MAF: variants seen among roughly 807,000 people sequenced by gnomAD.
The protein encoded by MAF is transcription factor Maf.
In MAF, 10 loss-of-function variants were observed where a neutral mutation model predicts 22.0. The ratio of observed to expected loss-of-function variants is 0.45; its 90% CI spans 0.28 to 0.77. The LOEUF is 0.77. Ranked by LOEUF, MAF falls within the 30% of genes least tolerant of loss-of-function variation. The probability of loss-of-function intolerance (pLI) is 0.12; values close to 1 mark genes in which losing one functional copy is unlikely to be tolerated. For missense variants in MAF, 544 were observed against 548.4 expected (o/e 0.99, Z 0.08); for synonymous variants, 337 against 255.8 (o/e 1.32, Z -3.03).
chr16:79,492,314 C>T, the MAF span, among the ~76,000 whole-genome samples: 3 of 152,044 alleles, frequency 2.0e-5, no homozygotes, highest in Non-Finnish European at 2.9e-5. Context: ...GAGCACCAAC[C>T]AAAATTCAAC....
At chr16:79,597,616 C>G in intron 1 of MAF, 1 of 1,022,264 alleles carries the variant, frequency 9.8e-7, no homozygotes, top group Non-Finnish European at 1.2e-6. Flanking sequence ...AGTTTTGGAG[C>G]AGATGCAAAA....
the MAF span, among the ~76,000 whole-genome samples, chr16:79,442,540 T>A: frequency 2.0e-5 from 3 of 152,126 alleles, no homozygotes; most frequent in South Asian, 6.2e-4. Flanking sequence ...CCTGGCTGAA[T>A]ATTCCTTTTT....
At chr16:79,516,571 T>C in the MAF span, among the ~76,000 whole-genome samples, 1 of 152,240 alleles carries the variant, frequency 6.6e-6, no homozygotes, top group Admixed American at 6.5e-5. Context: ...ATGATTTTAG[T>C]TGACATTTGT....
At chr16:79,576,422 A>G in the MAF span, among the ~76,000 whole-genome samples, 1 of 152,106 alleles carries the variant, frequency 6.6e-6, no homozygotes, top group Non-Finnish European at 1.5e-5. Context: ...GCATGTTAGT[A>G]TACAAAGCCT....
the MAF span, among the ~76,000 whole-genome samples, chr16:79,577,138 A>G: frequency 0.031 from 4,680 of 152,184 alleles, 230 homozygotes; most frequent in African/African-American, 0.11. Context: ...CCACAGAATC[A>G]TTTGTTTTCA....
At chr16:79,302,171 G>T in the MAF span, among the ~76,000 whole-genome samples, 1 of 152,220 alleles carries the variant, frequency 6.6e-6, no homozygotes, top group African/African-American at 2.4e-5. Flanking sequence ...GCCACGAGAT[G>T]TGTTGGAAAG....
At chr16:79,527,351 G>T in the MAF span, among the ~76,000 whole-genome samples, 9 of 152,188 alleles carry the variant, frequency 5.9e-5, no homozygotes, top group African/African-American at 2.2e-4. Context: ...CAAAAAGAAA[G>T]CAATCAACTC....
the MAF span, among the ~76,000 whole-genome samples, chr16:79,507,704 C>A: frequency 6.6e-6 from 1 of 152,182 alleles, no homozygotes; most frequent in Admixed American, 6.5e-5. Flanking sequence ...GTATTACAGG[C>A]GTGAGCCACC....
chr16:79,203,894 A>G, the MAF span: 1 of 152,218 alleles, frequency 6.6e-6, no homozygotes. Flanking sequence ...CAGAGGTTAA[A>G]GAAGTAGAGT....
chr16:79,488,500 A>G, the MAF span, among the ~76,000 whole-genome samples: 1 of 152,144 alleles, frequency 6.6e-6, no homozygotes, highest in Non-Finnish European at 1.5e-5. Flanking sequence ...GTAACATTCC[A>G]CCAACACCCA....
chr16:79,218,718 G>C, the MAF span, among the ~76,000 whole-genome samples: 2 of 152,150 alleles, frequency 1.3e-5, no homozygotes, highest in Non-Finnish European at 2.9e-5. Flanking sequence ...TTTCCCACAG[G>C]ACAGAGTTCA....
chr16:79,302,462 A>G, the MAF span, among the ~76,000 whole-genome samples: 19 of 152,212 alleles, frequency 1.2e-4, no homozygotes, highest in Admixed American at 9.2e-4. Context: ...ATCAACCCAC[A>G]TGGCTGATGC....
the MAF span, among the ~76,000 whole-genome samples, chr16:79,318,001 G>C: frequency 6.6e-6 from 1 of 152,158 alleles, no homozygotes; most frequent in African/African-American, 2.4e-5. Flanking sequence ...GAACATAACA[G>C]TGTCATGCCT....
the MAF span, among the ~76,000 whole-genome samples, chr16:79,299,347 G>GAAAAAAAAAAAAAAAAAAAAAAAAAA: frequency 1.6e-4 from 14 of 86,712 alleles, no homozygotes; most frequent in Middle Eastern, 5.7e-3. Context: ...CAAAGAAAAA[G>GAAAAAAAAAAAAAAAAAAAAAAAAAA]AAAAAAAAAA....
At chr16:79,394,441 C>T in the MAF span, among the ~76,000 whole-genome samples, 2 of 152,186 alleles carry the variant, frequency 1.3e-5, no homozygotes, top group Non-Finnish European at 2.9e-5. Flanking sequence ...CCCAGGAAGT[C>T]AGCTCATGCA....
the MAF span, among the ~76,000 whole-genome samples, chr16:79,359,529 G>C: frequency 6.6e-6 from 1 of 152,204 alleles, no homozygotes; most frequent in Non-Finnish European, 1.5e-5. Context: ...AGACATGCCA[G>C]GGAGTGGGTT....
chr16:79,291,797 C>G, the MAF span, among the ~76,000 whole-genome samples: 1 of 146,646 alleles, frequency 6.8e-6, no homozygotes, highest in Middle Eastern at 3.4e-3. Flanking sequence ...AGGAACTGAG[C>G]TAGAAATTAG....
the MAF span, among the ~76,000 whole-genome samples, chr16:79,421,357 C>A: frequency 6.6e-6 from 1 of 152,172 alleles, no homozygotes; most frequent in African/African-American, 2.4e-5. Flanking sequence ...CCTGAAAACC[C>A]TCTGTGCTCT....
chr16:79,473,799 C>G, the MAF span, among the ~76,000 whole-genome samples: 2 of 152,178 alleles, frequency 1.3e-5, no homozygotes, highest in African/African-American at 4.8e-5. Context: ...TACAGCTGAT[C>G]TGGGTGAGGG....
Sources: allele counts gnomAD v4.1 joint callset (sites outside exome capture counted in the v4.1 genomes callset), GRCh38; gene constraint gnomAD v4.1.1; transcripts MANE v1.5; gene names NCBI Gene and HGNC (gene_info 2026-07-23, HGNC 2026-07-21).